Variants in POFUT3 observed in about 807,000 individuals in gnomAD.
The protein encoded by POFUT3 is GDP-fucose protein O-fucosyltransferase 3.
the POFUT3 span, chr8:33,436,209 C>A: frequency 1.5e-6 from 2 of 1,300,906 alleles, no homozygotes; most frequent in Non-Finnish European, 1.1e-6. Context: ...CGAGAACGTC[C>A]CAGAGACTGG....
the POFUT3 span, among the ~76,000 whole-genome samples, chr8:33,439,553 T>C: frequency 8.5e-5 from 13 of 152,112 alleles, no homozygotes; most frequent in African/African-American, 2.9e-4. Flanking sequence ...CTCCCGATAT[T>C]TTCCCAAGGC....
chr8:33,320,663 T>C, the POFUT3 span, among the ~76,000 whole-genome samples: 1 of 152,074 alleles, frequency 6.6e-6, no homozygotes, highest in Non-Finnish European at 1.5e-5. Context: ...ACGATTAAGA[T>C]AGTGCACTTA....
the POFUT3 span, among the ~76,000 whole-genome samples, chr8:33,386,702 C>T: frequency 1.1e-3 from 170 of 152,050 alleles, no homozygotes; most frequent in African/African-American, 3.9e-3. Flanking sequence ...CCCAGCTACT[C>T]GGGAGGCTGA....
the POFUT3 span, among the ~76,000 whole-genome samples, chr8:33,330,775 T>G: frequency 6.6e-6 from 1 of 152,068 alleles, no homozygotes; most frequent in Non-Finnish European, 1.5e-5. Flanking sequence ...TCTTCCTCCC[T>G]TCCTTAAAAA....
At chr8:33,395,470 AT>A in the POFUT3 span, among the ~76,000 whole-genome samples, 1 of 151,868 alleles carries the variant, frequency 6.6e-6, no homozygotes. Context: ...GAGTTTGGCC[AT>A]CCCCGGCCAA....
the POFUT3 span, chr8:33,372,407 A>T: frequency 7.1e-7 from 1 of 1,402,384 alleles, no homozygotes; most frequent in Non-Finnish European, 9.2e-7. Context: ...GGCTACCCCT[A>T]AGGGTAATTT....
chr8:33,328,429 C>A, the POFUT3 span, among the ~76,000 whole-genome samples: 1 of 151,812 alleles, frequency 6.6e-6, no homozygotes, highest in Non-Finnish European at 1.5e-5. Context: ...TTCCCCAAGT[C>A]GGGGTGGAAA....
the POFUT3 span, among the ~76,000 whole-genome samples, chr8:33,363,383 T>C: frequency 6.6e-6 from 1 of 151,868 alleles, no homozygotes; most frequent in Non-Finnish European, 1.5e-5. Flanking sequence ...AGCAAACAAA[T>C]TCAAAAACTA....
chr8:33,364,701 T>A, the POFUT3 span, among the ~76,000 whole-genome samples: 1 of 152,090 alleles, frequency 6.6e-6, no homozygotes, highest in Non-Finnish European at 1.5e-5. Context: ...GGAATCCAAC[T>A]TAAAAGGGAT....
At chr8:33,375,273 A>G in the POFUT3 span, among the ~76,000 whole-genome samples, 1 of 152,138 alleles carries the variant, frequency 6.6e-6, no homozygotes, top group African/African-American at 2.4e-5. Flanking sequence ...AAAACAAGAG[A>G]ATAAACTAAG....
the POFUT3 span, among the ~76,000 whole-genome samples, chr8:33,319,702 TTA>T: frequency 5.9e-4 from 19 of 32,232 alleles, 4 homozygotes. Context: ...TATATATATT[TTA>T]TATATATTTA....
chr8:33,310,705 AAAT>A, the POFUT3 span, among the ~76,000 whole-genome samples: 1 of 151,466 alleles, frequency 6.6e-6, no homozygotes, highest in African/African-American at 2.4e-5. Context: ...AAAAAAAAAA[AAAT>A]ATCTCCCACA....
the POFUT3 span, among the ~76,000 whole-genome samples, chr8:33,472,780 AC>A: frequency 2.0e-5 from 3 of 151,994 alleles, no homozygotes; most frequent in African/African-American, 7.2e-5. Flanking sequence ...CCGGCCCGGC[AC>A]CCGCCTCCCG....
chr8:33,453,354 T>TG, the POFUT3 span: 1 of 1,614,230 alleles, frequency 6.2e-7, no homozygotes, highest in Non-Finnish European at 8.5e-7. Context: ...ATGGGGTAGC[T>TG]GTCCAATTCC....
chr8:33,434,967 G>A, the POFUT3 span, among the ~76,000 whole-genome samples: 1 of 152,162 alleles, frequency 6.6e-6, no homozygotes, highest in African/African-American at 2.4e-5. Flanking sequence ...AGTTTTCCCA[G>A]TGGCTGTCCA....
chr8:33,352,729 CAT>C, the POFUT3 span, among the ~76,000 whole-genome samples: 12 of 152,328 alleles, frequency 7.9e-5, no homozygotes, highest in South Asian at 2.1e-4. Context: ...GGAAAAGCCA[CAT>C]GTCTCTCTTT....
chr8:33,442,302 G>T, the POFUT3 span, among the ~76,000 whole-genome samples: 76,237 of 138,600 alleles, frequency 0.55, 20,224 homozygotes, highest in Middle Eastern at 0.62. Flanking sequence ...TTTTTTTTTG[G>T]GGGGGGACAG....
chr8:33,369,505 G>A, the POFUT3 span, among the ~76,000 whole-genome samples: 1 of 152,168 alleles, frequency 6.6e-6, no homozygotes, highest in African/African-American at 2.4e-5. Context: ...AGAACTGTGA[G>A]CAATAAACTT....
the POFUT3 span, among the ~76,000 whole-genome samples, chr8:33,319,422 T>C: frequency 8.7e-5 from 6 of 68,902 alleles, 1 homozygote; most frequent in Non-Finnish European, 1.4e-4. Flanking sequence ...TATAAATATA[T>C]TATATATATA....
Sources: allele counts gnomAD v4.1 joint callset (sites outside exome capture counted in the v4.1 genomes callset), GRCh38; gene constraint gnomAD v4.1.1; transcripts MANE v1.5; gene names NCBI Gene and HGNC (gene_info 2026-07-23, HGNC 2026-07-21).